The following JAKMIP2 variants were observed in gnomAD, a reference collection of about 807,000 sequenced individuals.
JAKMIP2 encodes janus kinase and microtubule interacting protein 2, also known as janus kinase and microtubule-interacting protein 2.
JAKMIP2 carries 25 observed loss-of-function variants against 115.0 expected under a neutral mutation model. The observed-to-expected ratio is 0.22, with a 90% CI of 0.16 to 0.30. The LOEUF (loss-of-function observed/expected upper bound fraction) is 0.30, where lower values mean the gene tolerates loss of function less well. Among genes scored for constraint, JAKMIP2 ranks in the 10% least tolerant of loss-of-function variants. JAKMIP2 has a pLI of 1.00. For synonymous variants in JAKMIP2, 334 were observed against 343.6 expected (o/e 0.97, Z 0.31); for missense variants, 642 against 957.6 (o/e 0.67, Z 4.35).
chr5:147,649,866 G>A (rs1027614351), intron 4 of JAKMIP2, among the ~76,000 whole-genome samples: 3 of 152,022 alleles, frequency 2.0e-5, no homozygotes, highest in African/African-American at 7.2e-5. Flanking sequence ...AAAATTCATG[G>A]AAATAAGTGG....
intron 1 of JAKMIP2, among the ~76,000 whole-genome samples, chr5:147,739,864 A>G (rs1388281899): frequency 6.6e-6 from 1 of 152,186 alleles, no homozygotes; most frequent in African/African-American, 2.4e-5. Context: ...AGATTGCAGG[A>G]CTTTCTAGAC....
chr5:147,679,779 CAT>C (rs1379580092), intron 1 of JAKMIP2, among the ~76,000 whole-genome samples: 6 of 152,182 alleles, frequency 3.9e-5, no homozygotes, highest in African/African-American at 1.4e-4. Flanking sequence ...CTCAAATACA[CAT>C]GTCAGTCTCC....
chr5:147,702,791 TATTTCTATACTTTCC>T (rs1752428092), intron 1 of JAKMIP2, among the ~76,000 whole-genome samples: 1 of 152,128 alleles, frequency 6.6e-6, no homozygotes, highest in African/African-American at 2.4e-5. Flanking sequence ...AGTATGGCTC[TATTTCTATACTTTCC>T]ATTTATATGA....
At chr5:147,604,103 G>T (rs1234914487) in intron 20 of JAKMIP2, among the ~76,000 whole-genome samples, 2 of 152,216 alleles carry the variant, frequency 1.3e-5, no homozygotes, top group Non-Finnish European at 2.9e-5. Context: ...TATTAAGTGT[G>T]GTCTTTGACA....
intron 1 of JAKMIP2, among the ~76,000 whole-genome samples, chr5:147,745,975 C>G (rs1240406789): frequency 1.3e-5 from 2 of 152,046 alleles, no homozygotes; most frequent in Non-Finnish European, 2.9e-5. Flanking sequence ...TTACACTTAA[C>G]TGATATACAC....
chr5:147,663,217 G>C (rs1217809826), intron 2 of JAKMIP2, among the ~76,000 whole-genome samples: 1 of 152,174 alleles, frequency 6.6e-6, no homozygotes, highest in African/African-American at 2.4e-5. Flanking sequence ...TGATTGGATT[G>C]AAAGATGAAA....
chr5:147,638,178 T>A (rs964168550), intron 10 of JAKMIP2, among the ~76,000 whole-genome samples: 1 of 152,166 alleles, frequency 6.6e-6, no homozygotes, highest in African/African-American at 2.4e-5. Context: ...TAATTTCTAG[T>A]CTCTTTAAAT....
intron 3 of JAKMIP2, among the ~76,000 whole-genome samples, chr5:147,652,820 G>A (rs975158200): frequency 4.0e-5 from 6 of 151,692 alleles, no homozygotes; most frequent in Admixed American, 3.3e-4. Flanking sequence ...TTTAAGCCCC[G>A]CATGCATTAG....
intron 1 of JAKMIP2, among the ~76,000 whole-genome samples, chr5:147,777,403 A>G (rs1243893333): frequency 6.6e-6 from 1 of 152,228 alleles, no homozygotes; most frequent in Non-Finnish European, 1.5e-5. Context: ...TGGCCACTAT[A>G]CATAAAGCAG....
chr5:147,674,405 T>C (rs1384992471), intron 1 of JAKMIP2, among the ~76,000 whole-genome samples: 2 of 152,180 alleles, frequency 1.3e-5, no homozygotes, highest in Non-Finnish European at 2.9e-5. Context: ...GAATGAAGAA[T>C]AGGCTTTTCT....
intron 21 of JAKMIP2, among the ~76,000 whole-genome samples, chr5:147,596,995 C>G (rs1324855775): frequency 6.6e-6 from 1 of 151,954 alleles, no homozygotes; most frequent in East Asian, 1.9e-4. Context: ...GCCTTAGCCT[C>G]CCAAGTAGCT....
At chr5:147,608,385 A>T (rs1038988297) in intron 20 of JAKMIP2, among the ~76,000 whole-genome samples, 1 of 152,078 alleles carries the variant, frequency 6.6e-6, no homozygotes, top group Non-Finnish European at 1.5e-5. Flanking sequence ...CTTTGTTCTC[A>T]TTGGTTTCAA....
intron 1 of JAKMIP2, among the ~76,000 whole-genome samples, chr5:147,763,701 G>C (rs1755013615): frequency 6.6e-6 from 1 of 152,122 alleles, no homozygotes; most frequent in African/African-American, 2.4e-5. Flanking sequence ...CTTAACAATA[G>C]TTCCTGGTAA....
At chr5:147,615,328 A>T (rs1345965522) in intron 19 of JAKMIP2, among the ~76,000 whole-genome samples, 2 of 152,198 alleles carry the variant, frequency 1.3e-5, no homozygotes, top group Non-Finnish European at 2.9e-5. Context: ...GAACACTTGG[A>T]TCAATGCAAT....
chr5:147,642,183 A>G (rs1257644317), intron 7 of JAKMIP2, among the ~76,000 whole-genome samples: 1 of 152,206 alleles, frequency 6.6e-6, no homozygotes, highest in Non-Finnish European at 1.5e-5. Context: ...GTCATTTGAA[A>G]TGCATAGAAA....
chr5:147,650,641 G>T, intron 3 of JAKMIP2, 94 bp from the exon 4 acceptor site: 1 of 922,094 alleles, frequency 1.1e-6, no homozygotes, highest in South Asian at 1.6e-5. Flanking sequence ...TTATCTGATT[G>T]ATACAGAAAA....
At chr5:147,769,874 A>T (rs1755287084) in intron 1 of JAKMIP2, among the ~76,000 whole-genome samples, 1 of 152,098 alleles carries the variant, frequency 6.6e-6, no homozygotes, top group Non-Finnish European at 1.5e-5. Context: ...GGGTTTGTAG[A>T]TGATTTAAAC....
intron 20 of JAKMIP2, among the ~76,000 whole-genome samples, chr5:147,604,902 T>C (rs1277209788): frequency 6.6e-6 from 1 of 151,460 alleles, no homozygotes; most frequent in Non-Finnish European, 1.5e-5. Context: ...AGTATACATG[T>C]GCCATGGTGG....
At chr5:147,726,845 G>T (rs1044432380) in intron 1 of JAKMIP2, among the ~76,000 whole-genome samples, 7 of 152,202 alleles carry the variant, frequency 4.6e-5, no homozygotes, top group African/African-American at 1.7e-4. Flanking sequence ...TTATCCAGAG[G>T]ACAGGAATTT....
Sources: gnomAD v4.1 joint callset for allele counts (sites outside exome capture counted in the v4.1 genomes callset) on GRCh38, gnomAD v4.1.1 for gene constraint, MANE v1.5 for transcripts, NCBI Gene and HGNC (gene_info 2026-07-23, HGNC 2026-07-21) for gene names.